Variants in STIM2 observed in about 807,000 individuals in gnomAD.
STIM2 encodes stromal interaction molecule 2.
STIM2 carries 31 observed loss-of-function variants against 85.8 expected under a neutral mutation model. The ratio of observed to expected loss-of-function variants is 0.36; its 90% CI spans 0.27 to 0.49. STIM2 has a LOEUF of 0.49. Among genes scored for constraint, STIM2 ranks in the 20% least tolerant of loss-of-function variants. The probability of loss-of-function intolerance (pLI) is 0.98; values close to 1 mark genes in which losing one functional copy is unlikely to be tolerated. For missense variants in STIM2, 841 were observed against 927.6 expected (o/e 0.91, Z 1.21); for synonymous variants, 356 against 331.1 (o/e 1.08, Z -0.82).
intron 2 of STIM2, among the ~76,000 whole-genome samples, chr4:26,951,507 T>C (rs1332699518): frequency 6.6e-6 from 1 of 152,288 alleles, no homozygotes; most frequent in Admixed American, 6.5e-5. Flanking sequence ...TTCTTTGTGT[T>C]CAGTGCCTTG....
chr4:26,972,761 C>T (rs181758978), intron 3 of STIM2, among the ~76,000 whole-genome samples: 1 of 152,188 alleles, frequency 6.6e-6, no homozygotes, highest in East Asian at 1.9e-4. Flanking sequence ...TCATAAAATG[C>T]GTTAGGGAGG....
intron 11 of STIM2, among the ~76,000 whole-genome samples, chr4:27,022,227 C>T (rs186358300): frequency 2.6e-5 from 4 of 152,078 alleles, no homozygotes; most frequent in East Asian, 1.9e-4. Flanking sequence ...CTGAATCACC[C>T]GTAAAATTTA....
chr4:26,992,258 G>A (rs1012512621), intron 3 of STIM2, among the ~76,000 whole-genome samples: 2 of 152,112 alleles, frequency 1.3e-5, no homozygotes, highest in Non-Finnish European at 2.9e-5. Context: ...TCATTCAACA[G>A]CATCCAACAA....
At chr4:26,923,044 GCCT>G (rs1422023471) in intron 2 of STIM2, among the ~76,000 whole-genome samples, 1 of 151,684 alleles carries the variant, frequency 6.6e-6, no homozygotes, top group Non-Finnish European at 1.5e-5. Flanking sequence ...CGGGCAGACT[GCCT>G]CCTCAAGTGG....
At chr4:26,874,517 A>G (rs1213050003) in intron 1 of STIM2, among the ~76,000 whole-genome samples, 4 of 152,238 alleles carry the variant, frequency 2.6e-5, no homozygotes. Context: ...TTCTTCATTT[A>G]CATAAACCAA....
intron 2 of STIM2, among the ~76,000 whole-genome samples, chr4:26,935,956 T>C (rs1344973464): frequency 6.6e-6 from 1 of 152,206 alleles, no homozygotes; most frequent in African/African-American, 2.4e-5. Flanking sequence ...TTTGTGACTT[T>C]ACTTTTGCCA....
intron 10 of STIM2, among the ~76,000 whole-genome samples, chr4:27,009,466 C>G (rs1302629887): frequency 6.6e-6 from 1 of 152,126 alleles, no homozygotes; most frequent in Admixed American, 6.5e-5. Flanking sequence ...CAAATGGCCG[C>G]TTAATGTATA....
At chr4:26,944,703 A>G (rs1175469554) in intron 2 of STIM2, among the ~76,000 whole-genome samples, 3 of 152,224 alleles carry the variant, frequency 2.0e-5, no homozygotes, top group African/African-American at 4.8e-5. Context: ...AGCTTCTCAC[A>G]CAAAGTTACA....
intron 1 of STIM2, chr4:26,873,738 C>A: frequency 1.1e-6 from 1 of 882,220 alleles, no homozygotes; most frequent in African/African-American, 1.6e-5. Flanking sequence ...TTTCTGCCTC[C>A]ACAGGCTCTA....
intron 1 of STIM2, among the ~76,000 whole-genome samples, chr4:26,899,663 A>C (rs1411705850): frequency 6.6e-6 from 1 of 152,190 alleles, no homozygotes; most frequent in Non-Finnish European, 1.5e-5. Flanking sequence ...TCACTGATGA[A>C]TACTTTTTCC....
At chr4:26,999,478 A>G (rs964333252) in intron 5 of STIM2, 131 bp downstream of exon 5, 2 of 374,052 alleles carry the variant, frequency 5.3e-6, no homozygotes, top group East Asian at 9.0e-5. Flanking sequence ...AAAGAAGTGT[A>G]ATACTACCTT....
chr4:26,927,808 T>TA (rs1246558151), intron 2 of STIM2, among the ~76,000 whole-genome samples: 1 of 142,778 alleles, frequency 7.0e-6, no homozygotes, highest in East Asian at 2.0e-4. Context: ...AATGTAATTA[T>TA]AAAATCTATT....
intron 2 of STIM2, among the ~76,000 whole-genome samples, chr4:26,944,190 A>G (rs1001290182): frequency 6.6e-6 from 1 of 152,176 alleles, no homozygotes; most frequent in African/African-American, 2.4e-5. Flanking sequence ...AGTATATGCA[A>G]AAAGTATCAC....
At chr4:26,973,232 A>G (rs750489421) in intron 3 of STIM2, among the ~76,000 whole-genome samples, 1 of 151,510 alleles carries the variant, frequency 6.6e-6, no homozygotes, top group Non-Finnish European at 1.5e-5. Context: ...TTTTGTGTCT[A>G]TCTTTTTCAG....
chr4:26,861,157 A>T lies in STIM2; in HGVS notation c.-62A>T, dbSNP rs1377802085. The T allele has an allele frequency of 6.0e-6, 8 of 1,334,732 alleles. No homozygotes were observed. The highest frequency in any genetic ancestry group is 1.9e-5 in the South Asian group (1 of 51,448). The allele number at this position is 1,334,732 out of a possible 1,614,324, so 82.7% of individuals were successfully genotyped here. A position where few individuals can be genotyped will look rare whatever the true frequency, so the allele number is the denominator to read the frequency against. On this transcript the variant is annotated 5_prime_UTR_variant, in exon 1 of 12. Transcript: ENST00000467087. Reference sequence around the variant, plus strand: ...CACCCGGCTTCTCCTCGGCGCCTTCATCCCGCCTCGACTCCTGGCCCAGCG... The same window carrying T: ...CACCCGGCTTCTCCTCGGCGCCTTCTTCCCGCCTCGACTCCTGGCCCAGCG...
chr4:26,967,346 G>C (rs1324564869), intron 3 of STIM2, among the ~76,000 whole-genome samples: 1 of 152,196 alleles, frequency 6.6e-6, no homozygotes, highest in African/African-American at 2.4e-5. Flanking sequence ...AAGGGAGAGA[G>C]TAGCCTTGGG....
chr4:26,951,231 A>G (rs1425681207), intron 2 of STIM2, among the ~76,000 whole-genome samples: 1 of 152,156 alleles, frequency 6.6e-6, no homozygotes, highest in Non-Finnish European at 1.5e-5. Flanking sequence ...AAAAGTAGAA[A>G]TTCTTGGTTA....
At chr4:26,997,948 G>A (rs186360990) in intron 4 of STIM2, among the ~76,000 whole-genome samples, 6 of 152,150 alleles carry the variant, frequency 3.9e-5, no homozygotes, top group Admixed American at 1.3e-4. Flanking sequence ...TATACAAAAT[G>A]TAGTGTTTCA....
chr4:27,008,419 G>A lies in STIM2; in HGVS notation c.1150-9G>A, dbSNP rs1412336791. 1.9e-6 allele frequency: 3 copies of A among 1,551,146 alleles called. No individual in the cohort carries two copies. Among genetic ancestry groups the A allele is most frequent in the Non-Finnish European group, 2.6e-6 (3 of 1,150,268 alleles). On this transcript the variant is annotated splice_polypyrimidine_tract_variant and intron_variant, in intron 8 of 11. Coordinates refer to ENST00000467087, the MANE Select transcript of STIM2 (RefSeq NM_020860.4). Reference sequence around the variant, plus strand: ...AACCTAGCCTTATTTAGTCCTTTTCGGTTTCTAGGCAGAAAAAATTAAAAA... The same window carrying A: ...AACCTAGCCTTATTTAGTCCTTTTCAGTTTCTAGGCAGAAAAAATTAAAAA...
Sources: allele counts gnomAD v4.1 joint callset (sites outside exome capture counted in the v4.1 genomes callset), GRCh38; gene constraint gnomAD v4.1.1; transcripts MANE v1.5; gene names NCBI Gene and HGNC (gene_info 2026-07-23, HGNC 2026-07-21).